Variants in KLHDC4 observed in about 807,000 individuals in gnomAD.
KLHDC4 encodes kelch domain-containing protein 4.
In KLHDC4, 90 loss-of-function variants were observed where a neutral mutation model predicts 62.4. The observed-to-expected ratio is 1.44, with a 90% confidence interval of 1.22 to 1.72. KLHDC4 has a LOEUF of 1.72. Among genes scored for constraint, KLHDC4 ranks in the 40% most tolerant of loss-of-function variants. KLHDC4 has a pLI of 0.00. For missense variants in KLHDC4, 1,025 were observed against 699.7 expected (o/e 1.47, Z -5.25); for synonymous variants, 386 against 284.4 (o/e 1.36, Z -3.59).
Position 87,709,372 on chromosome 16 carries a change from T to C in KLHDC4, c.1340A>G (p.Tyr447Cys), listed in dbSNP as rs746162046. The C allele has an allele frequency of 8.1e-6, 13 of 1,613,306 alleles. No individual in the cohort carries two copies. Among genetic ancestry groups the C allele is most frequent in the East Asian group, 4.5e-5 (2 of 44,888 alleles). ...GTCGCCGGCCTCAAACATGCCCCCATAGACGTAGAGCACCCCATGCTTCAC... is the reference window on the plus strand; with the variant it reads ...GTCGCCGGCCTCAAACATGCCCCCACAGACGTAGAGCACCCCATGCTTCAC... ...LAVKHGVLYV[Y>C]GGMFEAGDRQ... The change falls in exon 10 of 12, where the codon TAT becomes TGT. Residue 447 changes from tyrosine (Y) to cysteine (C), a missense_variant. Transcript: ENST00000270583.
rs780919256 is a variant in KLHDC4 at position 87,730,596 on chromosome 16, C to G, written c.555G>C (p.Trp185Cys). The G allele has an allele frequency of 1.9e-6, 3 of 1,613,220 alleles. No homozygotes were observed. The South Asian group carries it at 3.3e-5, about 18-fold the overall frequency. Residue 185 changes from tryptophan (W) to cysteine (C), a missense_variant, in exon 6 of 12, where the codon TGG becomes TGC. Transcript: ENST00000270583. ...CACCAAACAGGATCAATTGTCTCTT[C>G]CAGGCCACCATCCGATGTCCACTCC... Reference protein sequence around the residue: ...SGRSGHRMVAWKRQLILFGGF... With the variant: ...SGRSGHRMVACKRQLILFGGF...
intron 7 of KLHDC4, among the ~76,000 whole-genome samples, chr16:87,722,447 T>C (rs1388944299): frequency 6.6e-6 from 1 of 151,506 alleles, no homozygotes; most frequent in East Asian, 2.0e-4. Flanking sequence ...ACTGTCCACT[T>C]CATGAACCCG....
At chr16:87,755,512 A>G in intron 3 of KLHDC4, 1 of 424,596 alleles carries the variant, frequency 2.4e-6, no homozygotes, top group South Asian at 2.3e-5. Flanking sequence ...TCTGGAAGGT[A>G]CTGAAAGCCC....
chr16:87,725,628 G>A (rs923571293), intron 7 of KLHDC4, among the ~76,000 whole-genome samples: 1 of 152,234 alleles, frequency 6.6e-6, no homozygotes, highest in Non-Finnish European at 1.5e-5. Context: ...TCACAGAAAT[G>A]TAAAGGTTGG....
chr16:87,741,508 C>G (rs1443606544), intron 5 of KLHDC4, among the ~76,000 whole-genome samples: 1 of 152,200 alleles, frequency 6.6e-6, no homozygotes, highest in Non-Finnish European at 1.5e-5. Context: ...TTAGGACAAT[C>G]TAATGCCTGA....
chr16:87,754,264 T>A (rs1210774391), intron 4 of KLHDC4, among the ~76,000 whole-genome samples: 1 of 152,040 alleles, frequency 6.6e-6, no homozygotes, highest in Non-Finnish European at 1.5e-5. Context: ...GAGAATCACT[T>A]CAACCTGGGG....
chr16:87,759,690 A>C (rs975044374), intron 2 of KLHDC4, among the ~76,000 whole-genome samples: 15 of 152,074 alleles, frequency 9.9e-5, no homozygotes, highest in Non-Finnish European at 1.5e-4. Context: ...CAGTGAGCCG[A>C]GATCGTGCCA....
chr16:87,751,839 C>T (rs142362750), intron 4 of KLHDC4, among the ~76,000 whole-genome samples: 3 of 139,342 alleles, frequency 2.2e-5, no homozygotes, highest in Non-Finnish European at 4.7e-5. Flanking sequence ...TTTGGGAGGC[C>T]GAGGCGGGCG....
In KLHDC4 at chr16:87,711,392, C is replaced by T. The variant is rs147954686; in HGVS notation, c.887G>A (p.Arg296Gln). 265 of 1,613,554 alleles carry T rather than the reference C, an allele frequency of 1.6e-4. 1 individual carries two copies. The African/African-American group carries it at 3.3e-3, about 20-fold the overall frequency. ...MNPSGVKPTP[R>Q]SGFSVAMAPN... The stretch of plus-strand genomic sequence containing the variant: ...GGCCATGGCCACGGAAAAGCCAGAC[C>T]GTGGGGTGGGCTTGACCCCCGAAGG... The change falls in exon 9 of 12, where the codon CGG becomes CAG. Residue 296 changes from arginine (R) to glutamine (Q), a missense_variant. Coordinates refer to ENST00000270583, the MANE Select transcript of KLHDC4 (RefSeq NM_017566.4).
Position 87,719,993 on chromosome 16 carries a change from C to G in KLHDC4, c.760-5420G>C, listed in dbSNP as rs542382493. On this transcript the variant is annotated intron_variant, in intron 7 of 11. Coordinates refer to ENST00000270583, the MANE Select transcript of KLHDC4 (RefSeq NM_017566.4). ...ACCTAGCTTAGCCTGCAGCCACATC[C>G]CCTGATGAGACCCCACCTCCCGCAG... Among the ~76,000 whole-genome samples, 5 of 152,226 alleles carry G rather than the reference C, an allele frequency of 3.3e-5. No individual in the cohort carries two copies. In the South Asian group the frequency reaches 1.0e-3, roughly 32 times the overall value.
At chr16:87,742,607 G>A (rs12597271) in intron 5 of KLHDC4, among the ~76,000 whole-genome samples, 7,788 of 152,244 alleles carry the variant, frequency 0.051, 278 homozygotes, top group East Asian at 0.15. Flanking sequence ...ACAAGGAGAG[G>A]TTAGGGTAAA....
intron 5 of KLHDC4, among the ~76,000 whole-genome samples, chr16:87,744,337 C>G (rs1158329928): frequency 6.6e-6 from 1 of 151,868 alleles, no homozygotes; most frequent in Non-Finnish European, 1.5e-5. Flanking sequence ...ATTGCTTGAA[C>G]CTCTGAGGTG....
intron 7 of KLHDC4, among the ~76,000 whole-genome samples, chr16:87,723,131 A>T (rs940686565): frequency 2.6e-5 from 4 of 152,240 alleles, no homozygotes; most frequent in Non-Finnish European, 4.4e-5. Context: ...CATGTACCAA[A>T]GTTTCTATCA....
chr16:87,708,321 G>A lies in KLHDC4; in HGVS notation c.*1+29C>T, dbSNP rs553235471. 2.4e-5 allele frequency: 34 copies of A among 1,438,930 alleles called. No homozygotes were observed. The African/African-American group carries it at 2.8e-4, about 12-fold the overall frequency. The allele number at this position is 1,438,930 out of a possible 1,614,324, so 89.1% of individuals were successfully genotyped here. A position where few individuals can be genotyped will look rare whatever the true frequency, so the allele number is the denominator to read the frequency against. On this transcript the variant is annotated intron_variant, in intron 11 of 11. Coordinates refer to ENST00000270583, the MANE Select transcript of KLHDC4 (RefSeq NM_017566.4). Reference sequence around the variant, plus strand: ...AGCCTTTCACGAACACCCAGCAGCCGCGCCACCCGCCAGCCCGAGCCCGCT... The same window carrying A: ...AGCCTTTCACGAACACCCAGCAGCCACGCCACCCGCCAGCCCGAGCCCGCT...
intron 7 of KLHDC4, among the ~76,000 whole-genome samples, chr16:87,719,043 G>A (rs972751739): frequency 1.3e-4 from 20 of 151,152 alleles, no homozygotes; most frequent in Non-Finnish European, 2.5e-4. Context: ...CACCCCATCC[G>A]GGAGGTGGGG....
At chr16:87,738,242 G>A (rs191570282) in intron 5 of KLHDC4, among the ~76,000 whole-genome samples, 81 of 152,260 alleles carry the variant, frequency 5.3e-4, no homozygotes, top group African/African-American at 1.8e-3. Context: ...TCCTGCCGAG[G>A]AGCCTTCTCC....
chr16:87,718,646 C>T (rs977822176), intron 7 of KLHDC4, among the ~76,000 whole-genome samples: 10 of 151,566 alleles, frequency 6.6e-5, no homozygotes, highest in Non-Finnish European at 1.3e-4. Context: ...CCGGCCGCCA[C>T]CTCGTCTGGG....
chr16:87,711,081 C>T (rs1249703394), intron 9 of KLHDC4, 154 bp downstream of exon 9: 7 of 681,300 alleles, frequency 1.0e-5, no homozygotes, highest in African/African-American at 1.8e-5. Flanking sequence ...GCCTAGTCAC[C>T]CAGGACAGTC....
In KLHDC4 at chr16:87,717,015, T is replaced by C. The variant is rs531835024; in HGVS notation, c.760-2442A>G. On this transcript the variant is annotated intron_variant, in intron 7 of 11. Coordinates refer to ENST00000270583, the MANE Select transcript of KLHDC4 (RefSeq NM_017566.4). ...GAGAGTCCAAGGTGGGCAGACTGCT[T>C]GAGTTCAGGAGTTCAAGACCAGCCT... 5.3e-5 allele frequency among the ~76,000 whole-genome samples: 8 copies of C among 152,278 alleles called. No individual in the cohort carries two copies. The South Asian group carries it at 1.7e-3, about 32-fold the overall frequency.
Sources: allele counts gnomAD v4.1 joint callset (sites outside exome capture counted in the v4.1 genomes callset), GRCh38; gene constraint gnomAD v4.1.1; transcripts MANE v1.5; gene names NCBI Gene and HGNC (gene_info 2026-07-23, HGNC 2026-07-21).